Variants in TNNI3K observed in about 807,000 individuals in gnomAD.
TNNI3K encodes the protein serine/threonine-protein kinase TNNI3K.
Under a neutral mutation model 114.5 loss-of-function variants are expected in TNNI3K, and 140 were observed. That is an observed-to-expected ratio of 1.22 (90% CI 1.07 to 1.41). The LOEUF (loss-of-function observed/expected upper bound fraction) is 1.41, where lower values mean the gene tolerates loss of function less well. TNNI3K is among the 40% of genes most tolerant of loss of function. TNNI3K has a pLI of 0.00. For missense variants in TNNI3K, 1,125 were observed against 1,007.6 expected, an observed-to-expected ratio of 1.12 and a Z score of -1.58; for synonymous variants, 347 against 347.5, an observed-to-expected ratio of 1.00 and a Z score of 0.02.
At chr1:74,383,649 G>A (rs1663319736) in intron 17 of TNNI3K, among the ~76,000 whole-genome samples, 1 of 152,054 alleles carries the variant, frequency 6.6e-6, no homozygotes, top group African/African-American at 2.4e-5. Context: ...TGGTACAGGA[G>A]CTGTGGATTT....
At chr1:74,267,741 A>AG (rs1233706570) in intron 4 of TNNI3K, among the ~76,000 whole-genome samples, 1 of 151,938 alleles carries the variant, frequency 6.6e-6, no homozygotes, top group Non-Finnish European at 1.5e-5. Flanking sequence ...GATCAATTAG[A>AG]GGTCAATCTT....
intron 23 of TNNI3K, among the ~76,000 whole-genome samples, chr1:74,530,812 C>A (rs185861785): frequency 1.3e-5 from 2 of 151,290 alleles, no homozygotes; most frequent in Non-Finnish European, 1.5e-5. Context: ...TTTTAGCAGT[C>A]AAGGCATGCA....
At chr1:74,512,102 T>G (rs1235623822) in intron 23 of TNNI3K, among the ~76,000 whole-genome samples, 1 of 152,190 alleles carries the variant, frequency 6.6e-6, no homozygotes, top group Non-Finnish European at 1.5e-5. Context: ...TGAAAAGATC[T>G]GGATGGGACT....
intron 5 of TNNI3K, among the ~76,000 whole-genome samples, chr1:74,282,831 A>T (rs1657094617): frequency 6.6e-6 from 1 of 152,156 alleles, no homozygotes; most frequent in Non-Finnish European, 1.5e-5. Context: ...CCAAAATTTC[A>T]CAGGCAGAGA....
At chr1:74,540,009 C>G (rs567060494) in intron 23 of TNNI3K, among the ~76,000 whole-genome samples, 4 of 152,022 alleles carry the variant, frequency 2.6e-5, no homozygotes, top group African/African-American at 9.7e-5. Context: ...AAGGTTATAC[C>G]GCTAGAAATT....
chr1:74,490,717 C>A (rs1484946599), intron 22 of TNNI3K, among the ~76,000 whole-genome samples: 1 of 152,140 alleles, frequency 6.6e-6, no homozygotes, highest in Non-Finnish European at 1.5e-5. Flanking sequence ...CGGTTTAGAT[C>A]AAGGCCAAGA....
intron 5 of TNNI3K, among the ~76,000 whole-genome samples, chr1:74,285,726 T>C (rs112398847): frequency 6.6e-6 from 1 of 152,204 alleles, no homozygotes; most frequent in Non-Finnish European, 1.5e-5. Flanking sequence ...AAACTAATAA[T>C]TATTCAAGTG....
At chr1:74,477,685 C>A (rs2100240367) in intron 21 of TNNI3K, among the ~76,000 whole-genome samples, 1 of 152,278 alleles carries the variant, frequency 6.6e-6, no homozygotes, top group Middle Eastern at 3.4e-3. Flanking sequence ...GCTCTTGATA[C>A]TAGGTATATA....
intron 20 of TNNI3K, among the ~76,000 whole-genome samples, chr1:74,443,203 G>A (rs955834328): frequency 3.3e-5 from 5 of 151,688 alleles, no homozygotes; most frequent in Non-Finnish European, 5.9e-5. Context: ...AAACCTTTCA[G>A]AAAATCAATG....
intron 17 of TNNI3K, chr1:74,416,692 T>C (rs1665132049): frequency 4.1e-6 from 2 of 482,462 alleles, no homozygotes; most frequent in Admixed American, 1.3e-4. Context: ...ACATTAAATA[T>C]CTTCTTTTTC....
At chr1:74,254,327 T>C (rs1372334245) in intron 4 of TNNI3K, among the ~76,000 whole-genome samples, 1 of 152,194 alleles carries the variant, frequency 6.6e-6, no homozygotes, top group Non-Finnish European at 1.5e-5. Context: ...TATGATAATC[T>C]ATAGTTCAAA....
intron 5 of TNNI3K, among the ~76,000 whole-genome samples, chr1:74,277,285 C>A (rs1402479979): frequency 6.6e-6 from 1 of 152,042 alleles, no homozygotes; most frequent in Non-Finnish European, 1.5e-5. Context: ...AATAAATAAG[C>A]TGGATGGGAC....
At chr1:74,467,559 T>C (rs533269702) in intron 21 of TNNI3K, among the ~76,000 whole-genome samples, 1 of 151,864 alleles carries the variant, frequency 6.6e-6, no homozygotes, top group South Asian at 2.1e-4. Context: ...AATTTGGACG[T>C]GAAATTATGG....
chr1:74,449,772 A>G (rs1666902139), intron 20 of TNNI3K, among the ~76,000 whole-genome samples: 1 of 151,520 alleles, frequency 6.6e-6, no homozygotes, highest in Non-Finnish European at 1.5e-5. Flanking sequence ...TGAGTGACCT[A>G]CAAAGAGACT....
intron 9 of TNNI3K, among the ~76,000 whole-genome samples, 164 bp from the exon 10 acceptor site, chr1:74,353,102 T>G (rs1287494477): frequency 1.3e-5 from 2 of 152,126 alleles, no homozygotes; most frequent in African/African-American, 2.4e-5. Flanking sequence ...GCTCCACCCC[T>G]CTTAAGTACC....
At chr1:74,535,758 A>G (rs1317899515) in intron 23 of TNNI3K, among the ~76,000 whole-genome samples, 1 of 152,196 alleles carries the variant, frequency 6.6e-6, no homozygotes, top group East Asian at 1.9e-4. Context: ...TGTCATCTAT[A>G]TGAAATACCT....
chr1:74,481,575 T>C (rs1318522045), intron 21 of TNNI3K, among the ~76,000 whole-genome samples: 1 of 152,064 alleles, frequency 6.6e-6, no homozygotes, highest in Non-Finnish European at 1.5e-5. Flanking sequence ...GTCAGTGGGG[T>C]TCTCATTATA....
chr1:74,356,374 G>A (rs116486438), intron 11 of TNNI3K, among the ~76,000 whole-genome samples: 310 of 152,176 alleles, frequency 2.0e-3, no homozygotes, highest in African/African-American at 7.2e-3. Flanking sequence ...TGAATATATG[G>A]TTGCATTTCT....
chr1:74,407,960 G>T (rs534490717), intron 17 of TNNI3K, among the ~76,000 whole-genome samples: 1 of 151,940 alleles, frequency 6.6e-6, no homozygotes, highest in African/African-American at 2.4e-5. Flanking sequence ...AATGTCACTC[G>T]TCCTCATAGA....
Sources: gnomAD v4.1 joint callset for allele counts (sites outside exome capture counted in the v4.1 genomes callset) on GRCh38, gnomAD v4.1.1 for gene constraint, MANE v1.5 for transcripts, NCBI Gene and HGNC (gene_info 2026-07-23, HGNC 2026-07-21) for gene names.